Variants in WDFY4 observed in about 807,000 individuals in gnomAD.
WDFY4 encodes the protein WD repeat- and FYVE domain-containing protein 4.
A neutral mutation model predicts 351.9 loss-of-function variants in WDFY4; 169 were observed. The observed-to-expected ratio is 0.48, with a 90% CI of 0.42 to 0.55. The LOEUF (loss-of-function observed/expected upper bound fraction) is 0.55. Ranked by LOEUF, WDFY4 falls within the 20% of genes least tolerant of loss-of-function variation. The pLI is 0.00. For missense variants in WDFY4, 3,803 were observed against 3,935.6 expected, an observed-to-expected ratio of 0.97 and a Z score of 0.90; for synonymous variants, 1,622 against 1,574.6, an observed-to-expected ratio of 1.03 and a Z score of -0.71.
At chr10:48,948,280 C>CA (rs1169125789) in intron 51 of WDFY4, among the ~76,000 whole-genome samples, 1 of 152,292 alleles carries the variant, frequency 6.6e-6, no homozygotes, top group East Asian at 1.9e-4. Context: ...CTTTCTCAGG[C>CA]AAAAAGCATT....
At chr10:48,861,434 C>T (rs779265432) in intron 39 of WDFY4, among the ~76,000 whole-genome samples, 2 of 151,922 alleles carry the variant, frequency 1.3e-5, no homozygotes, top group Non-Finnish European at 2.9e-5. Flanking sequence ...GTTAATTTAC[C>T]CTTTAATCCA....
At chr10:48,900,415 A>G (rs1363098211) in intron 46 of WDFY4, 109 bp downstream of exon 46, 31 of 1,023,322 alleles carry the variant, frequency 3.0e-5, no homozygotes, top group Non-Finnish European at 4.2e-5. Flanking sequence ...ACCCACAGTG[A>G]ACGCCACTCA....
At chr10:48,965,430 G>T (rs899299074) in intron 54 of WDFY4, among the ~76,000 whole-genome samples, 3 of 152,202 alleles carry the variant, frequency 2.0e-5, no homozygotes, top group Non-Finnish European at 4.4e-5. Context: ...GAACAAAGAA[G>T]AGTGCTCATT....
intron 13 of WDFY4, among the ~76,000 whole-genome samples, chr10:48,762,061 T>G (rs921532583): frequency 3.3e-5 from 5 of 152,174 alleles, no homozygotes; most frequent in Non-Finnish European, 7.3e-5. Flanking sequence ...GACCTGGCAC[T>G]CCCAGGAAGC....
chr10:48,980,460 G>A (rs1204422724), intron 60 of WDFY4, among the ~76,000 whole-genome samples: 1 of 152,214 alleles, frequency 6.6e-6, no homozygotes, highest in African/African-American at 2.4e-5. Context: ...TTTGTGGGCA[G>A]ATGTAATCCA....
chr10:48,968,046 A>T (rs548749283), intron 55 of WDFY4: 1 of 152,240 alleles, frequency 6.6e-6, no homozygotes. Flanking sequence ...AACCACATCA[A>T]CAGTAACAAG....
chr10:48,832,157 T>C (rs2068211799), intron 38 of WDFY4, among the ~76,000 whole-genome samples: 1 of 152,360 alleles, frequency 6.6e-6, no homozygotes, highest in Admixed American at 6.5e-5. Context: ...TACAAATGAC[T>C]CTCTTTTTGC....
rs889399779 is a variant in WDFY4 at position 48,974,856 on chromosome 10, C to T, written c.8929-6C>T. ...CCTCTCCTAACCTGTGAGTCTCTGTCCCCAGGCCTTGTATGGACACACACA... is the reference window on the plus strand; with the variant it reads ...CCTCTCCTAACCTGTGAGTCTCTGTTCCCAGGCCTTGTATGGACACACACA... On this transcript the variant is annotated splice_region_variant and splice_polypyrimidine_tract_variant and intron_variant, in intron 57 of 61. Transcript: ENST00000325239. 7 of 1,535,146 alleles carry T rather than the reference C, an allele frequency of 4.6e-6. No homozygotes were observed. Among genetic ancestry groups the T allele is most frequent in the Non-Finnish European group, 6.2e-6 (7 of 1,136,890 alleles).
intron 1 of WDFY4, among the ~76,000 whole-genome samples, chr10:48,709,005 A>G (rs1589428992): frequency 7.6e-6 from 1 of 131,444 alleles, no homozygotes; most frequent in African/African-American, 3.1e-5. Flanking sequence ...CAAACAAACA[A>G]CACCCCCCCC....
rs2064082470 is a variant in WDFY4 at position 48,721,358 on chromosome 10, G to A, written c.447G>A (p.Gly149=). Residue 149 remains glycine (G), a synonymous_variant, in exon 4 of 62, where the codon GGG becomes GGA. Transcript: ENST00000325239. ...LLLKSVYVLT[G]TDSETLGRVA... The stretch of plus-strand genomic sequence containing the variant: ...TGAAGTCAGTGTACGTGCTCACGGG[G>A]ACAGACTCGGTAAGTTTCAGACCAT... 6.4e-7 allele frequency: 1 copy of A among 1,551,660 alleles called. No homozygotes were observed. Among genetic ancestry groups the A allele is most frequent in the East Asian group, 2.4e-5 (1 of 40,916 alleles).
chr10:48,755,399 T>G (rs1268925591), intron 12 of WDFY4, among the ~76,000 whole-genome samples: 1 of 152,202 alleles, frequency 6.6e-6, no homozygotes, highest in Non-Finnish European at 1.5e-5. Flanking sequence ...CATTTGTTTT[T>G]ACTTTTATGT....
chr10:48,815,763 A>G (rs1418746605), intron 31 of WDFY4, among the ~76,000 whole-genome samples: 2 of 151,802 alleles, frequency 1.3e-5, no homozygotes, highest in Admixed American at 1.3e-4. Flanking sequence ...CCAGTTTCCT[A>G]TGATGAATTA....
At chr10:48,877,770 G>C (rs1377359251) in intron 43 of WDFY4, among the ~76,000 whole-genome samples, 1 of 152,104 alleles carries the variant, frequency 6.6e-6, no homozygotes, top group East Asian at 1.9e-4. Flanking sequence ...CTGGGGACCA[G>C]GTGGCAGGGA....
chr10:48,724,862 T>C (rs1220096058), intron 5 of WDFY4, among the ~76,000 whole-genome samples: 1 of 152,192 alleles, frequency 6.6e-6, no homozygotes, highest in African/African-American at 2.4e-5. Flanking sequence ...TTGCCCAGGC[T>C]GGAGTGCAGT....
intron 43 of WDFY4, among the ~76,000 whole-genome samples, chr10:48,881,935 C>A (rs922796355): frequency 6.6e-6 from 1 of 152,230 alleles, no homozygotes; most frequent in Non-Finnish European, 1.5e-5. Context: ...ACCCCAGCCC[C>A]CTCTTATTGC....
Position 48,775,783 on chromosome 10 carries a change from A to G in WDFY4, c.2840A>G (p.His947Arg), listed in dbSNP as rs1315565765. ...AAAATCCTTGATTCATCTCACACAC[A>G]CAGAGGCAACCCTGGGTGCTCAGGT... ...TTKILDSSHT[H>R]RGNPGCSGSQ... is the part of the protein sequence containing the mutation. The change falls in exon 15 of 62, where the codon CAC becomes CGC. Residue 947 changes from histidine (H) to arginine (R), a missense_variant. This residue lies in a region of WDFY4 where 3,054 missense variants were observed against 3,148.6 expected (regional missense o/e 0.97). Transcript: ENST00000325239. 1.9e-5 allele frequency: 29 copies of G among 1,551,590 alleles called. No homozygotes were observed. Among genetic ancestry groups the G allele is most frequent in the Non-Finnish European group, 2.5e-5 (29 of 1,146,992 alleles).
chr10:48,711,047 C>A (rs563761935), intron 2 of WDFY4, among the ~76,000 whole-genome samples: 1 of 152,216 alleles, frequency 6.6e-6, no homozygotes, highest in Non-Finnish European at 1.5e-5. Flanking sequence ...CTACTTTTCA[C>A]GTTTGAAAGT....
intron 12 of WDFY4, 124 bp from the exon 13 acceptor site, chr10:48,760,223 T>G (rs999747118): frequency 4.8e-5 from 40 of 832,696 alleles, no homozygotes; most frequent in Middle Eastern, 3.1e-4. Context: ...TTCAATGTCA[T>G]CTAGGTAATA....
At chr10:48,701,492 A>T (rs764802142) in intron 1 of WDFY4, among the ~76,000 whole-genome samples, 3 of 152,218 alleles carry the variant, frequency 2.0e-5, no homozygotes, top group Non-Finnish European at 2.9e-5. Context: ...ATCAATAATA[A>T]ACATAGTATT....
Sources: allele counts gnomAD v4.1 joint callset (sites outside exome capture counted in the v4.1 genomes callset), GRCh38; gene constraint gnomAD v4.1.1; regional missense constraint gnomAD v4.1.1; transcripts MANE v1.5; gene names NCBI Gene and HGNC (gene_info 2026-07-23, HGNC 2026-07-21).